INPP4A: variants seen among roughly 807,000 people sequenced by gnomAD.
The protein encoded by INPP4A is inositol polyphosphate-4-phosphatase type I A.
In INPP4A, 33 loss-of-function variants were observed where a neutral mutation model predicts 119.8. That is an observed-to-expected ratio of 0.28 (90% confidence interval 0.21 to 0.37). INPP4A has a LOEUF of 0.37. INPP4A is among the 10% of genes least tolerant of loss of function. The pLI is 1.00. For missense variants in INPP4A, 956 were observed against 1,289.9 expected, an observed-to-expected ratio of 0.74 and a Z score of 3.97; for synonymous variants, 496 against 500.7, an observed-to-expected ratio of 0.99 and a Z score of 0.12.
At chr2:98,484,325 T>G (rs900578435) in intron 1 of INPP4A, among the ~76,000 whole-genome samples, 18 of 152,226 alleles carry the variant, frequency 1.2e-4, no homozygotes, top group African/African-American at 4.3e-4. Context: ...CCGTTCCTCC[T>G]GTGTGGCCTG....
chr2:98,560,824 T>C (rs1247479341), intron 17 of INPP4A, among the ~76,000 whole-genome samples: 2 of 152,160 alleles, frequency 1.3e-5, no homozygotes, highest in African/African-American at 4.8e-5. Context: ...CCACAGAAGC[T>C]CAGGGGGTCT....
At chr2:98,560,281 A>G (rs1695227452) in intron 17 of INPP4A, among the ~76,000 whole-genome samples, 1 of 152,078 alleles carries the variant, frequency 6.6e-6, no homozygotes, top group South Asian at 2.1e-4. Flanking sequence ...CATATTTCTG[A>G]CTGGTTATAA....
At chr2:98,461,322 G>T (rs1224693810) in intron 1 of INPP4A, among the ~76,000 whole-genome samples, 1 of 152,210 alleles carries the variant, frequency 6.6e-6, no homozygotes, top group African/African-American at 2.4e-5. Flanking sequence ...GGAAGTGAAG[G>T]GCGGAGAGCA....
chr2:98,546,436 G>T lies in INPP4A; in HGVS notation c.1055-150G>T. On this transcript the variant is annotated intron_variant, in intron 12 of 24. Transcript: ENST00000409851. This position sits in a 1 kb window ranked among gnomAD's most constrained non-coding sequence, Gnocchi z 4.2. ...TGGCACTGGGCTCCAGCAGACCCTT[G>T]GGCAGCCAGGGCTGTGGGATCAGGG... 1.6e-6 allele frequency: 1 copy of T among 612,090 alleles called. No homozygotes were observed. Among genetic ancestry groups the T allele is most frequent in the African/African-American group, 1.9e-5 (1 of 54,002 alleles). The allele number at this position is 612,090 out of a possible 1,614,324, so 37.9% of individuals were successfully genotyped here.
At chr2:98,464,962 A>T (rs994633100) in intron 1 of INPP4A, among the ~76,000 whole-genome samples, 1 of 152,204 alleles carries the variant, frequency 6.6e-6, no homozygotes, top group South Asian at 2.1e-4. Context: ...GTTTTCACAC[A>T]GCTTTTGAGG....
At position 98,577,090 on chromosome 2, in the gene INPP4A, C is replaced by A; in HGVS notation, c.2733C>A (p.His911Gln). 1 of 1,613,880 alleles carries A rather than the reference C, an allele frequency of 6.2e-7. No individual in the cohort carries two copies. Among genetic ancestry groups the A allele is most frequent in the South Asian group, 1.1e-5 (1 of 91,074 alleles). Residue 911 changes from histidine (H) to glutamine (Q), a missense_variant, in exon 24 of 25, where the codon CAC becomes CAA. By Grantham distance (24) the His-to-Gln change is conservative. Around this residue, in one of 2 missense-constraint regions of INPP4A, gnomAD observed 304 missense variants for 492.1 expected, o/e 0.62. Coordinates refer to ENST00000409851, the MANE Select transcript of INPP4A (RefSeq NM_001134225.2). Reference protein sequence around the residue: ...VTLEQCLILQHEHGMAPQVFT... With the variant: ...VTLEQCLILQQEHGMAPQVFT... The stretch of plus-strand genomic sequence containing the variant: ...TGGAGCAGTGCCTGATCCTGCAACA[C>A]GAGCATGGCATGGCCCCGCAGGTCT...
intron 1 of INPP4A, among the ~76,000 whole-genome samples, chr2:98,515,123 G>C (rs1250346576): frequency 1.3e-5 from 2 of 152,184 alleles, no homozygotes; most frequent in South Asian, 2.1e-4. Context: ...CTTCCTGTCT[G>C]TCTGCAGGAA....
intron 24 of INPP4A, among the ~76,000 whole-genome samples, chr2:98,585,977 T>G (rs1699906699): frequency 6.6e-6 from 1 of 152,246 alleles, no homozygotes; most frequent in South Asian, 2.1e-4. Flanking sequence ...TGTAAGAGTT[T>G]CCAAAGATTA....
chr2:98,540,344 T>A (rs17505326), intron 10 of INPP4A, among the ~76,000 whole-genome samples: 33,270 of 152,162 alleles, frequency 0.22, 3,957 homozygotes, highest in Middle Eastern at 0.32. Context: ...GGGTCATAGA[T>A]AAGGGCTCCA....
At chr2:98,581,471 C>T in intron 24 of INPP4A, 1 of 1,112,054 alleles carries the variant, frequency 9.0e-7, no homozygotes, top group Non-Finnish European at 1.2e-6. Context: ...TCTTGTTTAT[C>T]CCATCCTTTT....
Position 98,587,726 on chromosome 2 carries a change from A to G in INPP4A, c.*118A>G. 1.1e-6 allele frequency: 1 copy of G among 895,526 alleles called. No homozygotes were observed. Among genetic ancestry groups the G allele is most frequent in the East Asian group, 2.9e-5 (1 of 34,684 alleles). The allele number at this position is 895,526 out of a possible 1,614,324, so 55.5% of individuals were successfully genotyped here. The stretch of plus-strand genomic sequence containing the variant: ...TTTTTATTTTTTGTGGTTTTTTTAA[A>G]AAAAACATTTCACTAAAGAGTCTCT... On this transcript the variant is annotated 3_prime_UTR_variant, in exon 25 of 25. Transcript: ENST00000409851.
chr2:98,569,985 G>C lies in INPP4A; in HGVS notation c.2518+1317G>C, dbSNP rs939835850. Among the ~76,000 whole-genome samples, 1 of 152,162 alleles carries C rather than the reference G, an allele frequency of 6.6e-6. No homozygotes were observed. The highest frequency in any genetic ancestry group is 1.5e-5 in the Non-Finnish European group (1 of 68,024). The stretch of plus-strand genomic sequence containing the variant: ...CGTGGAGAGAGGGATGAGGCGTTAG[G>C]GGGGTTTGGGCTGAGGATGCACTCC... On this transcript the variant is annotated intron_variant, in intron 22 of 24. Transcript: ENST00000409851. This position sits in a 1 kb window ranked among gnomAD's most constrained non-coding sequence, Gnocchi z 5.1.
At chr2:98,556,155 C>T in intron 16 of INPP4A, 1 of 276,908 alleles carries the variant, frequency 3.6e-6, no homozygotes, top group Non-Finnish European at 6.8e-6. Flanking sequence ...AGATGCCTTT[C>T]TGATGTGATT....
rs141523792 is a variant in INPP4A, at chr2:98,517,494, G to A, written c.-165-1470G>A. ...GTAGTATCACTTCCAGTTACTCCAC[G>A]TCCTCATCAACACTTGGTACTGTTG... is the stretch of plus-strand genomic sequence containing the variant. On this transcript the variant is annotated intron_variant, in intron 1 of 24. Coordinates refer to ENST00000409851, the MANE Select transcript of INPP4A (RefSeq NM_001134225.2). 2.6e-3 allele frequency among the ~76,000 whole-genome samples: 399 copies of A among 152,198 alleles called. 2 individuals are homozygous for A. The highest frequency in any genetic ancestry group is 9.0e-3 in the African/African-American group (374 of 41,530).
chr2:98,472,925 A>G (rs1002958440), intron 1 of INPP4A, among the ~76,000 whole-genome samples: 1 of 152,166 alleles, frequency 6.6e-6, no homozygotes, highest in Non-Finnish European at 1.5e-5. Context: ...GGAGTGCCCT[A>G]GGCAGGAGAA....
chr2:98,583,302 GA>G (rs1240028178), intron 24 of INPP4A, among the ~76,000 whole-genome samples: 3 of 149,796 alleles, frequency 2.0e-5, no homozygotes, highest in Admixed American at 1.3e-4. Context: ...GATTGATAAT[GA>G]AAAAAAATCA....
chr2:98,529,660 C>T lies in INPP4A; in HGVS notation c.152-3717C>T, dbSNP rs554161542. 1.2e-4 allele frequency among the ~76,000 whole-genome samples: 19 copies of T among 152,058 alleles called. 1 individual carries two copies. The highest frequency in any genetic ancestry group is 3.9e-4 in the East Asian group (2 of 5,178). ...CTGAGGCAGGAGAATGGCGTGAACC[C>T]GGGAGGCAGAGCTTGCAGTGAGCTG... On this transcript the variant is annotated intron_variant, in intron 4 of 24. Transcript: ENST00000409851.
intron 10 of INPP4A, among the ~76,000 whole-genome samples, chr2:98,541,440 A>C: frequency 6.6e-6 from 1 of 152,158 alleles, no homozygotes; most frequent in East Asian, 1.9e-4. Context: ...CACATATTTT[A>C]ATATTTTAAT....
chr2:98,470,667 C>A (rs1212110721), intron 1 of INPP4A, among the ~76,000 whole-genome samples: 3 of 145,980 alleles, frequency 2.1e-5, no homozygotes, highest in African/African-American at 7.5e-5. Flanking sequence ...TTCTTTTTTT[C>A]TTTTTTTTTT....
Sources: gnomAD v4.1 joint callset for allele counts (sites outside exome capture counted in the v4.1 genomes callset) on GRCh38, gnomAD v4.1.1 for gene constraint, gnomAD v4.1.1 regional missense constraint, Gnocchi (gnomAD v3.1) non-coding constraint, MANE v1.5 for transcripts, NCBI Gene and HGNC (gene_info 2026-07-23, HGNC 2026-07-21) for gene names.